FRAS1: variants seen among roughly 807,000 people sequenced by gnomAD.
FRAS1 encodes the protein extracellular matrix organizing protein FRAS1.
A neutral mutation model predicts 435.2 loss-of-function variants in FRAS1; 290 were observed. The observed-to-expected ratio is 0.67, with a 90% CI of 0.61 to 0.73. The LOEUF (loss-of-function observed/expected upper bound fraction) is 0.73, where lower values mean the gene tolerates loss of function less well. Among genes scored for constraint, FRAS1 ranks in the 30% least tolerant of loss-of-function variants. The probability of loss-of-function intolerance (pLI) is 0.00; values close to 1 mark genes in which losing one functional copy is unlikely to be tolerated. For missense variants in FRAS1, 4,860 were observed against 5,001.5 expected (o/e 0.97, Z 0.85); for synonymous variants, 1,800 against 1,851.0 (o/e 0.97, Z 0.71).
At chr4:78,495,032 A>G (rs1720472871) in intron 59 of FRAS1, among the ~76,000 whole-genome samples, 1 of 152,156 alleles carries the variant, frequency 6.6e-6, no homozygotes, top group Admixed American at 6.6e-5. Context: ...TGCTAATTTA[A>G]TATGTATAAA....
chr4:78,365,743 A>AC (rs1388592230), intron 22 of FRAS1, among the ~76,000 whole-genome samples: 1 of 104,262 alleles, frequency 9.6e-6, no homozygotes, highest in East Asian at 4.5e-4. Flanking sequence ...ACATTAAAAA[A>AC]AAAAAAACAA....
intron 61 of FRAS1, among the ~76,000 whole-genome samples, chr4:78,504,628 A>G (rs1352321264): frequency 6.6e-6 from 1 of 152,088 alleles, no homozygotes; most frequent in Non-Finnish European, 1.5e-5. Flanking sequence ...TCTGCATGTG[A>G]GATGGATCTC....
chr4:78,373,536 G>C (rs148388690), intron 24 of FRAS1, among the ~76,000 whole-genome samples: 1 of 150,998 alleles, frequency 6.6e-6, no homozygotes, highest in Non-Finnish European at 1.5e-5. Context: ...CCAACAGTTT[G>C]GGAGGCGGAG....
chr4:78,281,882 G>A (rs1265312357), intron 11 of FRAS1, among the ~76,000 whole-genome samples: 1 of 152,150 alleles, frequency 6.6e-6, no homozygotes, highest in African/African-American at 2.4e-5. Flanking sequence ...TTCTTTCAAA[G>A]GGAAAATGCA....
chr4:78,272,709 C>T (rs1332271267), intron 9 of FRAS1, among the ~76,000 whole-genome samples: 5 of 152,198 alleles, frequency 3.3e-5, no homozygotes. Flanking sequence ...GTTTTGGTTA[C>T]TATAGCCTTG....
chr4:78,371,274 T>C (rs1731495679), intron 23 of FRAS1, among the ~76,000 whole-genome samples: 1 of 152,142 alleles, frequency 6.6e-6, no homozygotes, highest in African/African-American at 2.4e-5. Flanking sequence ...ACTTTGTAAA[T>C]CTTGGAAGCA....
intron 35 of FRAS1, among the ~76,000 whole-genome samples, chr4:78,426,744 C>T (rs181326985): frequency 2.1e-4 from 32 of 152,338 alleles, no homozygotes; most frequent in Admixed American, 1.6e-3. Context: ...GACTGTTTCT[C>T]AAAGAAATTA....
chr4:78,497,214 A>AGTTTCT (rs1720533383), intron 60 of FRAS1, among the ~76,000 whole-genome samples: 2 of 152,168 alleles, frequency 1.3e-5, no homozygotes, highest in South Asian at 4.1e-4. Context: ...TCAAAAGCTG[A>AGTTTCT]GACAGAAATG....
intron 14 of FRAS1, among the ~76,000 whole-genome samples, chr4:78,301,250 A>C (rs757992826): frequency 5.3e-5 from 8 of 152,156 alleles, no homozygotes; most frequent in Non-Finnish European, 1.0e-4. Flanking sequence ...ACCTTTTAAG[A>C]ATTAGGATGT....
chr4:78,116,105 A>C (rs1403073502), intron 2 of FRAS1, among the ~76,000 whole-genome samples: 1 of 152,170 alleles, frequency 6.6e-6, no homozygotes, highest in Non-Finnish European at 1.5e-5. Flanking sequence ...GTCATTCAGG[A>C]GCAGGTTATT....
At chr4:78,528,381 A>G (rs10030759) in intron 70 of FRAS1, among the ~76,000 whole-genome samples, 56,197 of 152,076 alleles carry the variant, frequency 0.37, 10,607 homozygotes, top group South Asian at 0.54. Flanking sequence ...TCCATTTCCA[A>G]AAAGATTCCT....
At chr4:78,243,510 G>A (rs542859691) in intron 3 of FRAS1, among the ~76,000 whole-genome samples, 70 of 152,166 alleles carry the variant, frequency 4.6e-4, no homozygotes, top group African/African-American at 1.5e-3. Flanking sequence ...TTAGGTGGCA[G>A]GAACTCCTTG....
At chr4:78,259,580 T>A (rs1052237903) in intron 6 of FRAS1, among the ~76,000 whole-genome samples, 1 of 151,508 alleles carries the variant, frequency 6.6e-6, no homozygotes, top group African/African-American at 2.4e-5. Context: ...TAAATTTGTT[T>A]GAGTTCATTG....
intron 38 of FRAS1, among the ~76,000 whole-genome samples, chr4:78,435,912 T>A (rs1352676800): frequency 1.3e-5 from 2 of 152,150 alleles, no homozygotes; most frequent in South Asian, 2.1e-4. Context: ...TGAAAAACCA[T>A]AAGTAAAATT....
intron 66 of FRAS1, among the ~76,000 whole-genome samples, chr4:78,516,707 A>T (rs1178372100): frequency 6.6e-6 from 1 of 152,226 alleles, no homozygotes; most frequent in Non-Finnish European, 1.5e-5. Flanking sequence ...CATGTCTTAC[A>T]TGGTGGCAGG....
chr4:78,291,273 A>G (rs1292127235), intron 14 of FRAS1, among the ~76,000 whole-genome samples: 2 of 152,166 alleles, frequency 1.3e-5, no homozygotes, highest in Non-Finnish European at 2.9e-5. Context: ...CAATTTTTCC[A>G]TGGACCGGGG....
At chr4:78,406,966 A>T (rs180782700) in intron 30 of FRAS1, among the ~76,000 whole-genome samples, 261 of 152,378 alleles carry the variant, frequency 1.7e-3, no homozygotes, top group Non-Finnish European at 3.1e-3. Flanking sequence ...GTGAAAGGTT[A>T]CAGCCAAAAC....
intron 62 of FRAS1, among the ~76,000 whole-genome samples, chr4:78,508,370 A>G (rs1404360698): frequency 6.6e-6 from 1 of 152,248 alleles, no homozygotes; most frequent in Non-Finnish European, 1.5e-5. Flanking sequence ...ATGTTCTACT[A>G]TATACCATCA....
In FRAS1 at chr4:78,069,037, A is replaced by G. The variant is rs563683482; in HGVS notation, c.108+3021A>G. Reference sequence around the variant, plus strand: ...GATTCTAGGATTCTCTGATTATACAACTTTTTGGGTGACAAAGGCTTCTAG... The same window carrying G: ...GATTCTAGGATTCTCTGATTATACAGCTTTTTGGGTGACAAAGGCTTCTAG... On this transcript the variant is annotated intron_variant, in intron 2 of 73. Transcript: ENST00000512123. 3.3e-5 allele frequency among the ~76,000 whole-genome samples: 5 copies of G among 152,312 alleles called. No homozygotes were observed. The South Asian group carries it at 1.0e-3, about 32-fold the overall frequency.
Sources: allele counts gnomAD v4.1 joint callset (sites outside exome capture counted in the v4.1 genomes callset), GRCh38; gene constraint gnomAD v4.1.1; transcripts MANE v1.5; gene names NCBI Gene and HGNC (gene_info 2026-07-23, HGNC 2026-07-21).